Variants in QKI observed in about 807,000 individuals in gnomAD.
The protein encoded by QKI is KH domain-containing RNA-binding protein QKI.
Under a neutral mutation model 39.0 loss-of-function variants are expected in QKI, and 10 were observed. The observed-to-expected ratio is 0.26, with a 90% CI of 0.16 to 0.43. The LOEUF (loss-of-function observed/expected upper bound fraction) is 0.43, where lower values mean the gene tolerates loss of function less well. QKI is among the 20% of genes least tolerant of loss of function. The probability of loss-of-function intolerance (pLI) is 1.00; values close to 1 mark genes in which losing one functional copy is unlikely to be tolerated. For synonymous variants in QKI, 204 were observed against 155.4 expected (o/e 1.31, Z -2.33); for missense variants, 218 against 428.0 (o/e 0.51, Z 4.33).
At chr6:163,428,787 C>G (rs1582967303) in intron 1 of QKI, among the ~76,000 whole-genome samples, 1 of 149,222 alleles carries the variant, frequency 6.7e-6, no homozygotes, top group Non-Finnish European at 1.5e-5. Context: ...TTAAAATACT[C>G]TTGCCTTCAG....
chr6:163,447,256 T>A (rs1790228106), intron 1 of QKI, among the ~76,000 whole-genome samples: 1 of 150,644 alleles, frequency 6.6e-6, no homozygotes, highest in South Asian at 2.1e-4. Flanking sequence ...GTGATTTTTT[T>A]TTTTTTTTTT....
At chr6:163,550,912 A>C (rs1400054244) in intron 4 of QKI, among the ~76,000 whole-genome samples, 1 of 149,338 alleles carries the variant, frequency 6.7e-6, no homozygotes, top group African/African-American at 2.5e-5. Flanking sequence ...GTGTCACTGC[A>C]CTTCTGCCTG....
At chr6:163,512,424 T>C (rs1465285613) in intron 3 of QKI, among the ~76,000 whole-genome samples, 1 of 152,038 alleles carries the variant, frequency 6.6e-6, no homozygotes, top group Non-Finnish European at 1.5e-5. Context: ...TTCTAAAGTA[T>C]ATAAAAAGGT....
In QKI at chr6:163,415,299, G is replaced by A; in HGVS notation, c.106G>A (p.Gly36Arg). 1 of 1,594,498 alleles carries A rather than the reference G, an allele frequency of 6.3e-7. No homozygotes were observed. Among genetic ancestry groups the A allele is most frequent in the Non-Finnish European group, 8.6e-7 (1 of 1,167,588 alleles). ...KLMSSLPNFC[G>R]IFNHLERLLD... ...CATGAGCAGCCTGCCCAACTTCTGC[G>A]GGATCTTCAACCACCTCGAGCGGCT... Residue 36 changes from glycine to arginine, a missense_variant, in exon 1 of 8, where the codon GGG becomes AGG. This residue lies in a region of QKI where 40 missense variants were observed against 48.7 expected (regional missense o/e 0.82). Coordinates refer to ENST00000361752, the MANE Select transcript of QKI (RefSeq NM_006775.3).
intron 2 of QKI, among the ~76,000 whole-genome samples, chr6:163,465,889 C>T (rs1048788251): frequency 1.1e-4 from 16 of 151,194 alleles, no homozygotes; most frequent in African/African-American, 2.9e-4. Flanking sequence ...TTTGGGAGGC[C>T]GAAGCGGGCG....
chr6:163,443,517 A>G (rs557024396), intron 1 of QKI, among the ~76,000 whole-genome samples: 1 of 152,368 alleles, frequency 6.6e-6, no homozygotes, highest in African/African-American at 2.4e-5. Flanking sequence ...CAGTGAGCCA[A>G]GATTGCGCCA....
chr6:163,502,493 G>T (rs577406674), intron 3 of QKI, among the ~76,000 whole-genome samples: 21 of 152,234 alleles, frequency 1.4e-4, no homozygotes, highest in African/African-American at 4.6e-4. Context: ...AACTCTGAGA[G>T]AGCAAGTTCA....
chr6:163,473,560 A>C (rs1792361215), intron 2 of QKI, among the ~76,000 whole-genome samples: 1 of 152,192 alleles, frequency 6.6e-6, no homozygotes, highest in African/African-American at 2.4e-5. Flanking sequence ...AAAATGAGAC[A>C]TCGTTTCAGA....
rs1308597692 is a variant in QKI at position 163,571,487 on chromosome 6, G to A, written c.*777G>A. The stretch of plus-strand genomic sequence containing the variant: ...TACATGCATTATGTGTCACATTACT[G>A]GGCAAACTGTTCAAGTATTTTTTTT... On this transcript the variant is annotated 3_prime_UTR_variant, in exon 8 of 8. Transcript: ENST00000361752. 2 of 151,874 alleles carry A rather than the reference G, an allele frequency of 1.3e-5. No individual in the cohort carries two copies. The highest frequency in any genetic ancestry group is 4.8e-5 in the African/African-American group (2 of 41,346). 9.4% of individuals were successfully genotyped at this position (151,874 alleles called of 1,614,324 possible). A position where few individuals can be genotyped will look rare whatever the true frequency, so the allele number is the denominator to read the frequency against.
chr6:163,506,689 T>C (rs1411790669), intron 3 of QKI, among the ~76,000 whole-genome samples: 2 of 152,224 alleles, frequency 1.3e-5, no homozygotes, highest in Non-Finnish European at 2.9e-5. Flanking sequence ...GTTGTAACTC[T>C]TATCTTAACC....
intron 4 of QKI, among the ~76,000 whole-genome samples, chr6:163,550,023 A>G (rs1782127603): frequency 6.6e-6 from 1 of 152,362 alleles, no homozygotes; most frequent in African/African-American, 2.4e-5. Context: ...AGTCAAATCC[A>G]TTAAAAGTTC....
At chr6:163,519,277 G>T (rs1277862367) in intron 3 of QKI, among the ~76,000 whole-genome samples, 2 of 152,108 alleles carry the variant, frequency 1.3e-5, no homozygotes, top group Non-Finnish European at 2.9e-5. Flanking sequence ...ATGTAGACAT[G>T]CAGAGTTCCT....
intron 3 of QKI, among the ~76,000 whole-genome samples, chr6:163,514,179 C>T (rs989164545): frequency 5.3e-5 from 8 of 152,078 alleles, no homozygotes; most frequent in Non-Finnish European, 1.0e-4. Flanking sequence ...TTACTGCTGC[C>T]TAGCTTATGG....
Position 163,577,106 on chromosome 6 carries a change from A to G in QKI, c.*6396A>G, listed in dbSNP as rs1213290454. 6.6e-6 allele frequency: 1 copy of G among 152,226 alleles called. No individual in the cohort carries two copies. Among genetic ancestry groups the G allele is most frequent in the Non-Finnish European group, 1.5e-5 (1 of 68,026 alleles). 9.4% of individuals were successfully genotyped at this position (152,226 alleles called of 1,614,324 possible). On this transcript the variant is annotated 3_prime_UTR_variant, in exon 8 of 8. Transcript: ENST00000361752. ...TTGGTTTATTAAAAAAATCATTTCC[A>G]GTAGTGTGAAACCTTTACGAGTCTT...
chr6:163,454,783 T>C (rs903613968), intron 1 of QKI, among the ~76,000 whole-genome samples: 1 of 152,202 alleles, frequency 6.6e-6, no homozygotes, highest in Non-Finnish European at 1.5e-5. Flanking sequence ...TTGCAGTCTG[T>C]TGTCTTTTGA....
At chr6:163,470,410 C>A (rs1792096243) in intron 2 of QKI, among the ~76,000 whole-genome samples, 1 of 152,052 alleles carries the variant, frequency 6.6e-6, no homozygotes, top group African/African-American at 2.4e-5. Context: ...TCCTGGGTTG[C>A]TAGTAATAGT....
chr6:163,490,368 CT>C (rs1381941249), intron 3 of QKI, among the ~76,000 whole-genome samples: 1 of 152,148 alleles, frequency 6.6e-6, no homozygotes, highest in Non-Finnish European at 1.5e-5. Context: ...ACTTTCACCC[CT>C]GGAAGACTGA....
intron 1 of QKI, among the ~76,000 whole-genome samples, chr6:163,453,808 T>G (rs1036570817): frequency 6.6e-6 from 1 of 152,158 alleles, no homozygotes; most frequent in Non-Finnish European, 1.5e-5. Flanking sequence ...ATTTAAGAGA[T>G]AAAATTTGTA....
chr6:163,535,845 T>C (rs1781167380), intron 4 of QKI, among the ~76,000 whole-genome samples: 1 of 152,242 alleles, frequency 6.6e-6, no homozygotes, highest in South Asian at 2.1e-4. Context: ...GGCATGAGAA[T>C]CGCCTGAGCC....
Sources: allele counts gnomAD v4.1 joint callset (sites outside exome capture counted in the v4.1 genomes callset), GRCh38; gene constraint gnomAD v4.1.1; regional missense constraint gnomAD v4.1.1; transcripts MANE v1.5; gene names NCBI Gene and HGNC (gene_info 2026-07-23, HGNC 2026-07-21).